Variants in HEY2 observed in about 807,000 individuals in gnomAD.
HEY2 encodes the protein hairy/enhancer-of-split related with YRPW motif protein 2.
Under a neutral mutation model 18.1 loss-of-function variants are expected in HEY2, and 10 were observed. The ratio of observed to expected loss-of-function variants is 0.55; its 90% confidence interval spans 0.34 to 0.94. The LOEUF is 0.94. HEY2 is among the 40% of genes least tolerant of loss of function. The pLI is 0.02. For missense variants in HEY2, 455 were observed against 455.9 expected (o/e 1.00, Z 0.02); for synonymous variants, 210 against 182.7 (o/e 1.15, Z -1.21).
chr6:125,757,488 T>C (rs1295745734), intron 4 of HEY2, among the ~76,000 whole-genome samples: 1 of 152,234 alleles, frequency 6.6e-6, no homozygotes, highest in Non-Finnish European at 1.5e-5. Flanking sequence ...CAAATATCTT[T>C]TGGGAACTTC....
intron 4 of HEY2, among the ~76,000 whole-genome samples, chr6:125,756,519 A>G (rs1385652607): frequency 6.6e-6 from 1 of 152,140 alleles, no homozygotes; most frequent in Non-Finnish European, 1.5e-5. Context: ...GTGAGCCGAG[A>G]TCGCGCCATT....
Position 125,749,842 on chromosome 6 carries a change from C to A in HEY2, c.66C>A (p.Ser22Arg), listed in dbSNP as rs922967152. 10 of 1,580,282 alleles carry A rather than the reference C, an allele frequency of 6.3e-6. No individual in the cohort carries two copies. The highest frequency in any genetic ancestry group is 8.6e-6 in the Non-Finnish European group (10 of 1,163,786). ...TGGACGAGACCATCGACGTGGGGAG[C>A]GAGAACAATTACTCGGGGTGAGCGC... is the stretch of plus-strand genomic sequence containing the variant. ...SDMDETIDVG[S>R]ENNYSGQSTS... Residue 22 changes from serine (S) to arginine (R), a missense_variant, in exon 1 of 5, where the codon AGC (serine) becomes AGA (arginine). Transcript: ENST00000368364.
rs987235352 is a variant in HEY2, at chr6:125,750,445, C to A, written c.83+586C>A. 5 of 970,354 alleles carry A rather than the reference C, an allele frequency of 5.2e-6. No homozygotes were observed. The African/African-American group carries it at 8.8e-5, about 17-fold the overall frequency. 60.1% of individuals were successfully genotyped at this position (970,354 alleles called of 1,614,324 possible). A position where few individuals can be genotyped will look rare whatever the true frequency, so the allele number is the denominator to read the frequency against. On this transcript the variant is annotated intron_variant, in intron 1 of 4. Coordinates refer to ENST00000368364, the MANE Select transcript of HEY2 (RefSeq NM_012259.3). The stretch of plus-strand genomic sequence containing the variant: ...TGTTCTCAAGTCTGGAAGAGATCGG[C>A]GTCGTAATCACAGAAGCCAGACCTC...
chr6:125,751,950 G>C, intron 2 of HEY2, 57 bp from the exon 3 acceptor site: 30 of 1,586,368 alleles, frequency 1.9e-5, no homozygotes, highest in Non-Finnish European at 2.6e-5. Context: ...TTTTTCATTT[G>C]AGTAATTTTA....
At position 125,753,339 on chromosome 6, in the gene HEY2, T is replaced by A. The variant is rs1773588411; in HGVS notation, c.247-1126T>A. Among the ~76,000 whole-genome samples, 8 of 152,140 alleles carry A rather than the reference T, an allele frequency of 5.3e-5. 1 individual carries two copies. Among genetic ancestry groups the A allele is most frequent in the Admixed American group, 5.2e-4 (8 of 15,268 alleles). ...TTTTTCTTAAATGTTGACTTAAACC[T>A]TAAAAGCAAACATCAGTTGTTTGGC... On this transcript the variant is annotated intron_variant, in intron 3 of 4. Transcript: ENST00000368364.
In HEY2 at chr6:125,749,845, G is replaced by A; in HGVS notation, c.69G>A (p.Glu23=). 2 of 1,580,042 alleles carry A rather than the reference G, an allele frequency of 1.3e-6. No individual in the cohort carries two copies. The highest frequency in any genetic ancestry group is 1.7e-6 in the Non-Finnish European group (2 of 1,163,600). The change falls in exon 1 of 5, where the codon GAG becomes GAA. Residue 23 remains glutamate, a synonymous_variant. Transcript: ENST00000368364. ...ACGAGACCATCGACGTGGGGAGCGA[G>A]AACAATTACTCGGGGTGAGCGCGGG... ...DMDETIDVGS[E]NNYSGQSTSS... is the part of the protein sequence containing the mutation.
At position 125,751,889 on chromosome 6, in the gene HEY2, T is replaced by C; in HGVS notation, c.162+10T>C. ...AAAGAAAAGGAGAGGGGTATGTGAT[T>C]TTTCCCCCTTTTTATTTCATGTAAC... On this transcript the variant is annotated intron_variant, in intron 2 of 4. Transcript: ENST00000368364. 1 of 1,605,552 alleles carries C rather than the reference T, an allele frequency of 6.2e-7. No individual in the cohort carries two copies. Among genetic ancestry groups the C allele is most frequent in the African/African-American group, 1.3e-5 (1 of 74,778 alleles).
At chr6:125,754,800 A>G (rs543548244) in intron 4 of HEY2, among the ~76,000 whole-genome samples, 1 of 152,330 alleles carries the variant, frequency 6.6e-6, no homozygotes, top group African/African-American at 2.4e-5. Flanking sequence ...GTAAAGCTTC[A>G]TTCACAGCAG....
chr6:125,752,135 C>T, intron 3 of HEY2, 45 bp downstream of exon 3: 2 of 1,184,124 alleles, frequency 1.7e-6, no homozygotes, highest in Non-Finnish European at 2.4e-6. Flanking sequence ...CCCCGCCACC[C>T]CCCAAAAAAA....
rs554381894 is a variant in HEY2 at position 125,752,103 on chromosome 6, C to A, written c.246+13C>A. On this transcript the variant is annotated intron_variant, in intron 3 of 4. Transcript: ENST00000368364. ...TTTTGAAAAACAAGTAAGCTATCCC[C>A]TCCCCAGAATCCCCCCACCCACCCC... 6.3e-7 allele frequency: 1 copy of A among 1,578,406 alleles called. No individual in the cohort carries two copies. The highest frequency in any genetic ancestry group is 1.4e-5 in the African/African-American group (1 of 73,330).
chr6:125,753,986 T>C (rs1485009423), intron 3 of HEY2, among the ~76,000 whole-genome samples: 5 of 152,216 alleles, frequency 3.3e-5, no homozygotes, highest in Admixed American at 6.5e-5. Context: ...AAAGGACTTA[T>C]TGGAGTTTTC....
At chr6:125,758,489 ATTTTG>A (rs943134572) in intron 4 of HEY2, among the ~76,000 whole-genome samples, 2 of 152,192 alleles carry the variant, frequency 1.3e-5, no homozygotes, top group African/African-American at 4.8e-5. Flanking sequence ...TTAAAAACTC[ATTTTG>A]TTTTCATTAA....
At chr6:125,757,022 A>G (rs1192140647) in intron 4 of HEY2, among the ~76,000 whole-genome samples, 4 of 152,230 alleles carry the variant, frequency 2.6e-5, no homozygotes, top group African/African-American at 9.6e-5. Context: ...ATATGACAAC[A>G]TAGCAGGCAA....
intron 3 of HEY2, among the ~76,000 whole-genome samples, chr6:125,753,993 T>G (rs2128528702): frequency 6.6e-6 from 1 of 152,348 alleles, no homozygotes; most frequent in African/African-American, 2.4e-5. Context: ...TTATTGGAGT[T>G]TTCTATTTTA....
Position 125,759,631 on chromosome 6 carries a change from C to G in HEY2, c.843C>G (p.Ser281=), listed in dbSNP as rs1309668112. The change falls in exon 5 of 5, where the codon TCC becomes TCG. Residue 281 remains serine, a synonymous_variant. Transcript: ENST00000368364. The part of the protein sequence containing the change: ...ATAAAHSFPL[S]FAGAFPMLPP... ...CGGCTGCACACAGCTTCCCTCTGTC[C>G]TTCGCGGGGGCATTCCCCATGCTTC... 1.2e-6 allele frequency: 2 copies of G among 1,610,976 alleles called. No individual in the cohort carries two copies. Among genetic ancestry groups the G allele is most frequent in the Non-Finnish European group, 1.7e-6 (2 of 1,179,918 alleles).
chr6:125,749,967 A>G, intron 1 of HEY2, 108 bp downstream of exon 1: 2 of 959,896 alleles, frequency 2.1e-6, no homozygotes, highest in South Asian at 1.4e-5. Flanking sequence ...GCATCTAGGT[A>G]GAGAGGGAAA....
chr6:125,759,212 G>A lies in HEY2; in HGVS notation c.424G>A (p.Gly142Ser). The A allele has an allele frequency of 6.2e-7, 1 of 1,613,140 alleles. No individual in the cohort carries two copies. The highest frequency in any genetic ancestry group is 2.2e-5 in the East Asian group (1 of 44,872). The change falls in exon 5 of 5, where the codon GGC becomes AGC. Residue 142 changes from glycine (G) to serine (S), a missense_variant. Gly to Ser is a moderately conservative substitution (Grantham distance 56, BLOSUM62 0). Coordinates refer to ENST00000368364, the MANE Select transcript of HEY2 (RefSeq NM_012259.3). ...TGCGCGGTACCTGAGCTCCGTGGAA[G>A]GCCTGGACTCCTCGGATCCGCTGCG... ...EVARYLSSVE[G>S]LDSSDPLRVR...
At chr6:125,757,058 C>A (rs1562709922) in intron 4 of HEY2, among the ~76,000 whole-genome samples, 1 of 152,166 alleles carries the variant, frequency 6.6e-6, no homozygotes, top group Non-Finnish European at 1.5e-5. Flanking sequence ...TACTTCATGA[C>A]CAGTAATGAA....
At position 125,759,806 on chromosome 6, in the gene HEY2, T is replaced by G. The variant is rs1773757139; in HGVS notation, c.*4T>G. 1.9e-6 allele frequency: 3 copies of G among 1,611,814 alleles called. No individual in the cohort carries two copies. The Admixed American group carries it at 5.0e-5, about 27-fold the overall frequency. ...GACAGAAGTTGGAGCTTTTTAAATT[T>G]TTCTTGAACTTCTTGCAATAGTAAC... On this transcript the variant is annotated 3_prime_UTR_variant, in exon 5 of 5. Coordinates refer to ENST00000368364, the MANE Select transcript of HEY2 (RefSeq NM_012259.3).
Sources: gnomAD v4.1 joint callset for allele counts (sites outside exome capture counted in the v4.1 genomes callset) on GRCh38, gnomAD v4.1.1 for gene constraint, MANE v1.5 for transcripts, NCBI Gene and HGNC (gene_info 2026-07-23, HGNC 2026-07-21) for gene names.